The following BMPR2 variants were observed in gnomAD, a reference collection of about 807,000 sequenced individuals.
BMPR2 encodes the protein bone morphogenetic protein receptor type 2.
In BMPR2, 29 loss-of-function variants were observed where a neutral mutation model predicts 100.8. That is an observed-to-expected ratio of 0.29 (90% CI 0.21 to 0.39). The LOEUF (loss-of-function observed/expected upper bound fraction) is 0.39, where lower values mean the gene tolerates loss of function less well. Among genes scored for constraint, BMPR2 ranks in the 10% least tolerant of loss-of-function variants. The pLI is 1.00. For missense variants in BMPR2, 1,011 were observed against 1,274.5 expected, an observed-to-expected ratio of 0.79 and a Z score of 3.15; for synonymous variants, 382 against 442.3, an observed-to-expected ratio of 0.86 and a Z score of 1.71.
chr2:202,562,036 T>C lies in BMPR2; in HGVS notation c.*2090T>C, dbSNP rs955159961. On this transcript the variant is annotated 3_prime_UTR_variant, in exon 13 of 13. Coordinates refer to ENST00000374580, the MANE Select transcript of BMPR2 (RefSeq NM_001204.7). The stretch of plus-strand genomic sequence containing the variant: ...ATTAACAAATTATTTTTATCTTTCC[T>C]AGTACATTTTCACTTAGTTCTCTTG... The C allele has an allele frequency of 1.3e-5, 2 of 152,226 alleles. No individual in the cohort carries two copies. The highest frequency in any genetic ancestry group is 4.8e-5 in the African/African-American group (2 of 41,468). The allele number at this position is 152,226 out of a possible 1,614,324, so 9.4% of individuals were successfully genotyped here. A position where few individuals can be genotyped will look rare whatever the true frequency, so the allele number is the denominator to read the frequency against.
chr2:202,482,024 T>C (rs561697540), intron 3 of BMPR2, among the ~76,000 whole-genome samples: 2 of 152,202 alleles, frequency 1.3e-5, no homozygotes, highest in South Asian at 2.1e-4. Context: ...CCCTCTACTT[T>C]CTGTCTCTAT....
intron 9 of BMPR2, among the ~76,000 whole-genome samples, chr2:202,537,123 T>G (rs1688176349): frequency 6.6e-6 from 1 of 152,122 alleles, no homozygotes; most frequent in Admixed American, 6.6e-5. Context: ...CTCGAACTCC[T>G]GGGCTCAAGT....
chr2:202,546,793 G>T (rs1037291832), intron 10 of BMPR2, among the ~76,000 whole-genome samples: 3 of 151,984 alleles, frequency 2.0e-5, no homozygotes, highest in Non-Finnish European at 4.4e-5. Flanking sequence ...TCGTAGAGAT[G>T]GGGTTTCACC....
At chr2:202,557,897 G>A (rs1274365108) in intron 12 of BMPR2, among the ~76,000 whole-genome samples, 1 of 152,086 alleles carries the variant, frequency 6.6e-6, no homozygotes, top group East Asian at 1.9e-4. Flanking sequence ...TCCAAGTAAT[G>A]TTATACCAGT....
chr2:202,381,009 C>A (rs1178990028), intron 1 of BMPR2, among the ~76,000 whole-genome samples: 1 of 119,476 alleles, frequency 8.4e-6, no homozygotes. Context: ...GAGTCTGGCT[C>A]GGTCACCCAG....
At chr2:202,457,977 C>T (rs900657638) in intron 1 of BMPR2, among the ~76,000 whole-genome samples, 1 of 152,020 alleles carries the variant, frequency 6.6e-6, no homozygotes, top group Non-Finnish European at 1.5e-5. Context: ...GTGATCTGCC[C>T]ACTTTGGCGT....
chr2:202,444,024 C>A (rs774839969), intron 1 of BMPR2, among the ~76,000 whole-genome samples: 2 of 150,664 alleles, frequency 1.3e-5, no homozygotes, highest in Non-Finnish European at 2.9e-5. Context: ...GGTACTACCA[C>A]CGGTTGTAGT....
chr2:202,460,382 A>AT (rs1282533273), intron 1 of BMPR2, among the ~76,000 whole-genome samples: 1 of 147,632 alleles, frequency 6.8e-6, no homozygotes, highest in Non-Finnish European at 1.5e-5. Flanking sequence ...AAACTAAAAA[A>AT]GCCCAGTGTT....
chr2:202,387,037 C>T (rs544729263), intron 1 of BMPR2, among the ~76,000 whole-genome samples: 1 of 152,246 alleles, frequency 6.6e-6, no homozygotes, highest in East Asian at 1.9e-4. Flanking sequence ...AAACTATTGT[C>T]TTCCCATCTC....
At position 202,503,703 on chromosome 2, in the gene BMPR2, C is replaced by A. The variant is rs1162362567; in HGVS notation, c.419-10016C>A. ...CCGAGCCTCCCTGATGAGTGCCGCC[C>A]CCTGCTCCACGGCGCCCAGTCCCAT... On this transcript the variant is annotated intron_variant, in intron 3 of 12. Transcript: ENST00000374580. The surrounding 1 kb of genome is among the most constrained non-coding windows in gnomAD (Gnocchi z 4.0). Among the ~76,000 whole-genome samples the A allele has an allele frequency of 1.3e-5, 2 of 152,200 alleles. No homozygotes were observed. Among genetic ancestry groups the A allele is most frequent in the African/African-American group, 4.8e-5 (2 of 41,452 alleles).
In BMPR2 at chr2:202,559,680, G is replaced by A. The variant is rs957178379; in HGVS notation, c.2867-16G>A. On this transcript the variant is annotated splice_polypyrimidine_tract_variant and intron_variant, in intron 12 of 12. Transcript: ENST00000374580. ...AGTTTGTTAAATAGCTCATTTTTCT[G>A]CACTTTTATTTTCAGTAGGTGAGTC... 1.4e-5 allele frequency: 23 copies of A among 1,613,264 alleles called. No homozygotes were observed. Among genetic ancestry groups the A allele is most frequent in the Non-Finnish European group, 1.9e-5 (23 of 1,179,606 alleles).
intron 1 of BMPR2, among the ~76,000 whole-genome samples, chr2:202,460,342 T>G (rs1018459741): frequency 2.0e-5 from 3 of 152,174 alleles, no homozygotes; most frequent in African/African-American, 4.8e-5. Context: ...TCTTAAAGGT[T>G]GATTCTACAT....
At chr2:202,485,832 A>C (rs1360613492) in intron 3 of BMPR2, among the ~76,000 whole-genome samples, 2 of 151,884 alleles carry the variant, frequency 1.3e-5, no homozygotes, top group Non-Finnish European at 1.5e-5. Flanking sequence ...GGCATGAGCC[A>C]GGGCACCCAG....
At chr2:202,489,001 CTTTT>C (rs199776901) in intron 3 of BMPR2, among the ~76,000 whole-genome samples, 1 of 137,300 alleles carries the variant, frequency 7.3e-6, no homozygotes, top group Non-Finnish European at 1.6e-5. Flanking sequence ...CTTTTTGTTA[CTTTT>C]TTTTTTTTTT....
intron 1 of BMPR2, among the ~76,000 whole-genome samples, chr2:202,387,596 A>T (rs1212727160): frequency 6.6e-6 from 1 of 152,250 alleles, no homozygotes; most frequent in Non-Finnish European, 1.5e-5. Flanking sequence ...TCTTAGATAT[A>T]GTCTCTTCTT....
chr2:202,434,902 A>ATATAT (rs1691578323), intron 1 of BMPR2, among the ~76,000 whole-genome samples: 1 of 40,524 alleles, frequency 2.5e-5, no homozygotes, highest in African/African-American at 9.1e-5. Flanking sequence ...AAAAAAAAAA[A>ATATAT]AAAAAAATAT....
intron 1 of BMPR2, among the ~76,000 whole-genome samples, chr2:202,381,630 C>T (rs899732008): frequency 5.9e-5 from 9 of 152,138 alleles, no homozygotes; most frequent in African/African-American, 1.9e-4. Flanking sequence ...TGCAGAAGAA[C>T]GAAGAATTGA....
rs1430886258 is a variant in BMPR2, at chr2:202,464,801, T to C, written c.77-8T>C. On this transcript the variant is annotated splice_region_variant and splice_polypyrimidine_tract_variant and intron_variant, in intron 1 of 12. Transcript: ENST00000374580. ...TAATTTGTCATTCCTTTATTTCCTT[T>C]ATTTTAGCTTCGCAGAATCAAGAAC... is the stretch of plus-strand genomic sequence containing the variant. 6.2e-7 allele frequency: 1 copy of C among 1,607,432 alleles called. No individual in the cohort carries two copies. The highest frequency in any genetic ancestry group is 8.5e-7 in the Non-Finnish European group (1 of 1,177,440).
At chr2:202,463,067 G>A (rs1692253215) in intron 1 of BMPR2, among the ~76,000 whole-genome samples, 1 of 151,784 alleles carries the variant, frequency 6.6e-6, no homozygotes, top group South Asian at 2.1e-4. Context: ...TCCTTTAAGA[G>A]GTTCTATTTT....
Sources: allele counts gnomAD v4.1 joint callset (sites outside exome capture counted in the v4.1 genomes callset), GRCh38; gene constraint gnomAD v4.1.1; non-coding constraint Gnocchi (gnomAD v3.1); transcripts MANE v1.5; gene names NCBI Gene and HGNC (gene_info 2026-07-23, HGNC 2026-07-21).